The following NRG1 variants were observed in gnomAD, a reference collection of about 807,000 sequenced individuals.
NRG1 encodes the protein pro-neuregulin-1, membrane-bound isoform.
Under a neutral mutation model 63.8 loss-of-function variants are expected in NRG1, and 18 were observed. The observed-to-expected ratio is 0.28, with a 90% CI of 0.19 to 0.42. The LOEUF (loss-of-function observed/expected upper bound fraction) is 0.42. Ranked by LOEUF, NRG1 falls within the 10% of genes least tolerant of loss-of-function variation. The pLI is 1.00. For synonymous variants in NRG1, 302 were observed against 301.3 expected (o/e 1.00, Z -0.02); for missense variants, 762 against 814.7 (o/e 0.94, Z 0.79).
intron 1 of NRG1, among the ~76,000 whole-genome samples, chr8:32,037,883 C>T (rs948186575): frequency 1.3e-5 from 2 of 152,200 alleles, no homozygotes; most frequent in Non-Finnish European, 2.9e-5. Flanking sequence ...CACTGGCTGA[C>T]AGGGATTCCA....
At chr8:32,379,663 G>C (rs186893457) in intron 1 of NRG1, among the ~76,000 whole-genome samples, 73 of 152,270 alleles carry the variant, frequency 4.8e-4, no homozygotes, top group African/African-American at 1.6e-3. Context: ...CTGTAAGATT[G>C]ACATAGACCT....
intron 1 of NRG1, among the ~76,000 whole-genome samples, chr8:32,002,104 ACCTCTG>A (rs1438760260): frequency 6.6e-6 from 1 of 151,910 alleles, no homozygotes; most frequent in East Asian, 1.9e-4. Flanking sequence ...GCTCACTACA[ACCTCTG>A]CCTCCCAGGT....
chr8:32,510,610 G>T (rs942205954), intron 1 of NRG1, among the ~76,000 whole-genome samples: 1 of 152,116 alleles, frequency 6.6e-6, no homozygotes, highest in East Asian at 1.9e-4. Flanking sequence ...AGGAAATGGG[G>T]AAGTGCAGGA....
chr8:31,676,192 G>A (rs1051862665), intron 1 of NRG1, among the ~76,000 whole-genome samples: 4 of 152,100 alleles, frequency 2.6e-5, no homozygotes, highest in African/African-American at 9.7e-5. Flanking sequence ...GAGATCCTGA[G>A]CATGGGAACA....
At chr8:32,289,622 T>C (rs1381819240) in intron 1 of NRG1, among the ~76,000 whole-genome samples, 2 of 152,226 alleles carry the variant, frequency 1.3e-5, no homozygotes, top group Non-Finnish European at 2.9e-5. Flanking sequence ...TGATTTCTTC[T>C]CATTTTCAAA....
chr8:32,737,654 A>G (rs1825409108), intron 6 of NRG1, among the ~76,000 whole-genome samples: 1 of 151,376 alleles, frequency 6.6e-6, no homozygotes, highest in Non-Finnish European at 1.5e-5. Context: ...TTGCAAATCA[A>G]TTAACTGTAT....
intron 1 of NRG1, among the ~76,000 whole-genome samples, chr8:32,323,640 G>T (rs191644393): frequency 6.6e-6 from 1 of 152,256 alleles, no homozygotes; most frequent in African/African-American, 2.4e-5. Flanking sequence ...TTTGGCCTCT[G>T]CCTTGAGGGC....
chr8:32,668,294 C>T (rs1437677668), intron 5 of NRG1, among the ~76,000 whole-genome samples: 1 of 152,024 alleles, frequency 6.6e-6, no homozygotes, highest in African/African-American at 2.4e-5. Context: ...CAGCAAAGTC[C>T]TAGCCAGGAT....
At chr8:32,394,594 G>T (rs1438041047) in intron 1 of NRG1, among the ~76,000 whole-genome samples, 2 of 152,150 alleles carry the variant, frequency 1.3e-5, no homozygotes, top group African/African-American at 4.8e-5. Context: ...TTCACAGAGT[G>T]ATTTACCAAG....
intron 1 of NRG1, among the ~76,000 whole-genome samples, chr8:32,361,256 A>C (rs1387378430): frequency 6.6e-6 from 1 of 152,144 alleles, no homozygotes; most frequent in Non-Finnish European, 1.5e-5. Context: ...GCGCCACATC[A>C]GAGTATTATA....
intron 5 of NRG1, among the ~76,000 whole-genome samples, chr8:32,687,955 C>T (rs888522395): frequency 6.6e-6 from 1 of 152,152 alleles, no homozygotes; most frequent in South Asian, 2.1e-4. Context: ...GAGCTAGTCA[C>T]CTCCCACCAG....
intron 1 of NRG1, among the ~76,000 whole-genome samples, chr8:32,345,934 G>C (rs1425004463): frequency 6.6e-6 from 1 of 151,818 alleles, no homozygotes; most frequent in Non-Finnish European, 1.5e-5. Context: ...CTTCAGCCTG[G>C]GAGGCAGAAG....
intron 5 of NRG1, among the ~76,000 whole-genome samples, chr8:32,674,190 G>A (rs2128901027): frequency 1.3e-5 from 2 of 152,202 alleles, no homozygotes; most frequent in African/African-American, 4.8e-5. Context: ...AAGAATTCGT[G>A]TTTTGACATA....
At chr8:31,997,948 C>G (rs947389298) in intron 1 of NRG1, among the ~76,000 whole-genome samples, 1 of 152,000 alleles carries the variant, frequency 6.6e-6, no homozygotes, top group Non-Finnish European at 1.5e-5. Flanking sequence ...AAGTAAGTCT[C>G]AAATCTGGAC....
chr8:32,647,295 C>T (rs1253654319), intron 5 of NRG1: 1 of 985,416 alleles, frequency 1.0e-6, no homozygotes, highest in Non-Finnish European at 1.2e-6. Flanking sequence ...TTTACTTCTC[C>T]TGCATGACAG....
chr8:32,073,394 C>G (rs1476321340), intron 1 of NRG1, among the ~76,000 whole-genome samples: 2 of 151,988 alleles, frequency 1.3e-5, no homozygotes, highest in African/African-American at 4.8e-5. Context: ...AAATAGAACA[C>G]AGGAATAAAA....
chr8:32,556,335 A>G (rs1835171313), intron 1 of NRG1, among the ~76,000 whole-genome samples: 1 of 152,248 alleles, frequency 6.6e-6, no homozygotes, highest in African/African-American at 2.4e-5. Context: ...CCAATAAATC[A>G]GCTAAAATCA....
intron 1 of NRG1, among the ~76,000 whole-genome samples, chr8:31,718,499 T>A (rs6993559): frequency 0.21 from 32,616 of 152,188 alleles, 3,920 homozygotes; most frequent in Middle Eastern, 0.26. Context: ...AAATCCAGAA[T>A]GTTTGCAACA....
At chr8:32,365,720 C>A (rs1425521213) in intron 1 of NRG1, among the ~76,000 whole-genome samples, 1 of 152,160 alleles carries the variant, frequency 6.6e-6, no homozygotes, top group Admixed American at 6.5e-5. Context: ...GCACAAAAAC[C>A]AATGGGCATA....
Sources: allele counts gnomAD v4.1 joint callset (sites outside exome capture counted in the v4.1 genomes callset), GRCh38; gene constraint gnomAD v4.1.1; transcripts MANE v1.5; gene names NCBI Gene and HGNC (gene_info 2026-07-23, HGNC 2026-07-21).